The following RYR2 variants were observed in gnomAD, a reference collection of about 807,000 sequenced individuals.
RYR2 encodes ryanodine receptor 2, also known as cardiac muscle ryanodine receptor-calcium release channel.
Under a neutral mutation model 601.1 loss-of-function variants are expected in RYR2, and 227 were observed. The ratio of observed to expected loss-of-function variants is 0.38; its 90% CI spans 0.34 to 0.42. The LOEUF is 0.42. RYR2 is among the 10% of genes least tolerant of loss of function. The pLI is 1.00. For missense variants in RYR2, 4,646 were observed against 6,156.5 expected (o/e 0.75, Z 8.21); for synonymous variants, 2,223 against 2,175.1 (o/e 1.02, Z -0.61).
intron 15 of RYR2, 115 bp from the exon 16 acceptor site, chr1:237,456,485 T>A: frequency 9.1e-7 from 1 of 1,099,096 alleles, no homozygotes. Flanking sequence ...TTATGATTAG[T>A]AGATGAACCT....
intron 63 of RYR2, among the ~76,000 whole-genome samples, chr1:237,691,684 G>T (rs1034803746): frequency 2.0e-5 from 3 of 152,144 alleles, no homozygotes; most frequent in Non-Finnish European, 4.4e-5. Context: ...AGGAAGACAA[G>T]CGGTATTACC....
intron 24 of RYR2, among the ~76,000 whole-genome samples, chr1:237,513,236 A>G (rs573418990): frequency 6.6e-6 from 1 of 152,334 alleles, no homozygotes; most frequent in South Asian, 2.1e-4. Flanking sequence ...TTGATATAGA[A>G]AAGTAAAGAG....
intron 1 of RYR2, among the ~76,000 whole-genome samples, chr1:237,167,242 A>G (rs1466647726): frequency 1.3e-5 from 2 of 152,154 alleles, no homozygotes; most frequent in African/African-American, 2.4e-5. Context: ...GGAAGAGGGG[A>G]AAAAAAGCAC....
intron 1 of RYR2, among the ~76,000 whole-genome samples, chr1:237,065,297 C>T (rs12048980): frequency 0.24 from 2,133 of 9,036 alleles, 557 homozygotes; most frequent in Middle Eastern, 0.6. Flanking sequence ...TTTTTTTTTT[C>T]GAGAGGGAGT....
intron 1 of RYR2, among the ~76,000 whole-genome samples, chr1:237,095,637 C>T (rs908953810): frequency 3.3e-5 from 5 of 152,180 alleles, no homozygotes; most frequent in East Asian, 1.9e-4. Context: ...TTCAGTGTTC[C>T]GTCTGTGAGG....
At chr1:237,724,740 T>C (rs1690059679) in intron 74 of RYR2, among the ~76,000 whole-genome samples, 2 of 100,998 alleles carry the variant, frequency 2.0e-5, no homozygotes, top group Non-Finnish European at 4.1e-5. Context: ...TTTAAGATTA[T>C]TAAAGGTTAA....
chr1:237,822,784 C>T (rs1369513838), intron 101 of RYR2, among the ~76,000 whole-genome samples: 1 of 152,132 alleles, frequency 6.6e-6, no homozygotes, highest in African/African-American at 2.4e-5. Context: ...GCAGGAGACC[C>T]ATCTCATGTG....
intron 1 of RYR2, among the ~76,000 whole-genome samples, chr1:237,149,332 C>A (rs536531437): frequency 2.6e-4 from 31 of 121,366 alleles, no homozygotes; most frequent in Non-Finnish European, 5.1e-4. Context: ...AACAAAAAAC[C>A]AAAAACAAAC....
intron 1 of RYR2, among the ~76,000 whole-genome samples, chr1:237,143,672 G>A (rs188359811): frequency 6.6e-6 from 1 of 152,084 alleles, no homozygotes; most frequent in African/African-American, 2.4e-5. Context: ...CCTCCTAGGA[G>A]CACTTCCTTC....
intron 1 of RYR2, among the ~76,000 whole-genome samples, chr1:237,210,086 C>T (rs1682398531): frequency 6.6e-6 from 1 of 151,400 alleles, no homozygotes; most frequent in Non-Finnish European, 1.5e-5. Flanking sequence ...TATTTTATTC[C>T]ATTCATTTTT....
At chr1:237,512,523 C>A (rs1424696193) in intron 24 of RYR2, among the ~76,000 whole-genome samples, 1 of 152,126 alleles carries the variant, frequency 6.6e-6, no homozygotes, top group Non-Finnish European at 1.5e-5. Context: ...TCAGAGCATA[C>A]CTATGAGGAC....
At chr1:237,227,473 G>A (rs542884383) in intron 1 of RYR2, among the ~76,000 whole-genome samples, 6 of 152,306 alleles carry the variant, frequency 3.9e-5, no homozygotes, top group Admixed American at 3.3e-4. Flanking sequence ...GTTTGCTGAT[G>A]TGTCAAATAA....
rs900496668 is a variant in RYR2, at chr1:237,193,190, G to C, written c.49-77307G>C. On this transcript the variant is annotated intron_variant, in intron 1 of 104. Coordinates refer to ENST00000366574, the MANE Select transcript of RYR2 (RefSeq NM_001035.3). ...TACAAAAAAAAAAAAAGAAGGCCGG[G>C]TGCGGTGGCTCAAGTCTGTAATCAC... Among the ~76,000 whole-genome samples, 55 of 53,236 alleles carry C rather than the reference G, an allele frequency of 1.0e-3. 1 individual carries two copies. The highest frequency in any genetic ancestry group is 3.1e-3 in the African/African-American group (52 of 16,882). 34.9% of individuals were successfully genotyped at this position (53,236 alleles called of 152,430 possible). A position where few individuals can be genotyped will look rare whatever the true frequency, so the allele number is the denominator to read the frequency against.
intron 3 of RYR2, among the ~76,000 whole-genome samples, chr1:237,350,738 T>A (rs2149670262): frequency 6.7e-6 from 1 of 149,792 alleles, no homozygotes; most frequent in East Asian, 2.0e-4. Context: ...AATAAAATAA[T>A]TCTGAATTTA....
chr1:237,463,192 TTC>T (rs1482568654), intron 16 of RYR2, among the ~76,000 whole-genome samples: 15 of 152,198 alleles, frequency 9.9e-5, no homozygotes, highest in African/African-American at 3.4e-4. Context: ...CCCCTCATTT[TTC>T]TGTGCTGCGT....
chr1:237,216,753 A>G lies in RYR2; in HGVS notation c.49-53744A>G, dbSNP rs376726151. Among the ~76,000 whole-genome samples, 21 of 121,804 alleles carry G rather than the reference A, an allele frequency of 1.7e-4. No individual in the cohort carries two copies. In the South Asian group the frequency reaches 4.8e-3, roughly 28 times the overall value. The allele number at this position is 121,804 out of a possible 152,430, so 79.9% of individuals were successfully genotyped here. A position where few individuals can be genotyped will look rare whatever the true frequency, so the allele number is the denominator to read the frequency against. On this transcript the variant is annotated intron_variant, in intron 1 of 104. Coordinates refer to ENST00000366574, the MANE Select transcript of RYR2 (RefSeq NM_001035.3). Reference sequence around the variant, plus strand: ...TCCTTTTCTTAAAACACCCCCCACCAAAAAAAAAAAAACAAAAAACAAAAC... The same window carrying G: ...TCCTTTTCTTAAAACACCCCCCACCGAAAAAAAAAAAACAAAAAACAAAAC...
chr1:237,633,279 T>C (rs1338111798), intron 42 of RYR2, among the ~76,000 whole-genome samples: 3 of 152,238 alleles, frequency 2.0e-5, no homozygotes, highest in African/African-American at 7.2e-5. Flanking sequence ...GCACAGCTGA[T>C]AGCGGTAGTG....
intron 37 of RYR2, among the ~76,000 whole-genome samples, chr1:237,616,657 T>A (rs1378571553): frequency 4.6e-5 from 7 of 152,154 alleles, no homozygotes; most frequent in African/African-American, 1.7e-4. Flanking sequence ...AAACTTTCCC[T>A]TATATATTTC....
intron 25 of RYR2, among the ~76,000 whole-genome samples, chr1:237,536,511 G>A (rs981097794): frequency 7.9e-5 from 12 of 151,910 alleles, no homozygotes; most frequent in Non-Finnish European, 1.8e-4. Flanking sequence ...TCAGGAGATC[G>A]AGACCATCCT....
Sources: gnomAD v4.1 joint callset for allele counts (sites outside exome capture counted in the v4.1 genomes callset) on GRCh38, gnomAD v4.1.1 for gene constraint, MANE v1.5 for transcripts, NCBI Gene and HGNC (gene_info 2026-07-23, HGNC 2026-07-21) for gene names.